SOS2: variants seen among roughly 807,000 people sequenced by gnomAD.
SOS2 encodes the protein son of sevenless homolog 2.
SOS2 carries 65 observed loss-of-function variants against 148.2 expected under a neutral mutation model. The ratio of observed to expected loss-of-function variants is 0.44; its 90% CI spans 0.36 to 0.54. The LOEUF (loss-of-function observed/expected upper bound fraction) is 0.54, where lower values mean the gene tolerates loss of function less well. SOS2 is among the 20% of genes least tolerant of loss of function. The pLI is 0.00. For missense variants in SOS2, 1,341 were observed against 1,590.2 expected (o/e 0.84, Z 2.67); for synonymous variants, 539 against 537.1 (o/e 1.00, Z -0.05).
At chr14:50,194,445 C>A (rs910485888) in intron 4 of SOS2, among the ~76,000 whole-genome samples, 39 of 142,234 alleles carry the variant, frequency 2.7e-4, no homozygotes, top group African/African-American at 1.0e-3. Flanking sequence ...CTTATATAAT[C>A]CCTTTCAATT....
intron 11 of SOS2, among the ~76,000 whole-genome samples, 193 bp downstream of exon 11, chr14:50,158,372 C>G (rs762035431): frequency 6.6e-6 from 1 of 152,188 alleles, no homozygotes; most frequent in East Asian, 1.9e-4. Flanking sequence ...TTTCTAAGAG[C>G]TGAAAAGATC....
chr14:50,130,830 G>A, intron 19 of SOS2, 68 bp from the exon 20 acceptor site: 1 of 1,379,216 alleles, frequency 7.3e-7, no homozygotes, highest in Non-Finnish European at 1.0e-6. Context: ...GTGACTTAGA[G>A]CTACCTTATT....
intron 6 of SOS2, among the ~76,000 whole-genome samples, chr14:50,181,266 G>A (rs760841809): frequency 2.0e-5 from 3 of 152,160 alleles, no homozygotes; most frequent in Non-Finnish European, 4.4e-5. Flanking sequence ...AGCCAACAGA[G>A]AGGAACACCG....
At chr14:50,202,981 C>T (rs1230280443) in intron 2 of SOS2, among the ~76,000 whole-genome samples, 2 of 151,898 alleles carry the variant, frequency 1.3e-5, no homozygotes, top group Non-Finnish European at 2.9e-5. Flanking sequence ...CACGGCAAGG[C>T]CCAGTCTTTA....
intron 5 of SOS2, among the ~76,000 whole-genome samples, chr14:50,187,504 C>T (rs573595968): frequency 5.3e-5 from 8 of 152,022 alleles, no homozygotes; most frequent in Non-Finnish European, 7.4e-5. Flanking sequence ...CCCACCACTA[C>T]GCCCGGCTAA....
chr14:50,217,893 T>G (rs1224865610), intron 1 of SOS2, among the ~76,000 whole-genome samples: 1 of 151,750 alleles, frequency 6.6e-6, no homozygotes, highest in Non-Finnish European at 1.5e-5. Context: ...AGGCAGAGCT[T>G]GCAGTGAATC....
intron 4 of SOS2, among the ~76,000 whole-genome samples, chr14:50,191,342 A>T (rs1348361376): frequency 6.6e-6 from 1 of 152,074 alleles, no homozygotes. Flanking sequence ...GCTGGTAGAC[A>T]CCTGCGGTCC....
At chr14:50,123,099 A>G (rs1477689217) in intron 21 of SOS2, among the ~76,000 whole-genome samples, 1 of 152,190 alleles carries the variant, frequency 6.6e-6, no homozygotes, top group African/African-American at 2.4e-5. Context: ...GGGGAGCAAC[A>G]TAAATAGGGT....
intron 7 of SOS2, among the ~76,000 whole-genome samples, chr14:50,176,701 G>T (rs1368447886): frequency 6.6e-6 from 1 of 152,180 alleles, no homozygotes; most frequent in African/African-American, 2.4e-5. Context: ...TAAGTGAATT[G>T]CTCAAGGTAA....
chr14:50,227,969 T>C (rs1002891312), intron 1 of SOS2, among the ~76,000 whole-genome samples: 4 of 152,156 alleles, frequency 2.6e-5, no homozygotes, highest in African/African-American at 7.2e-5. Context: ...TTGAATCTTT[T>C]ATTAATTTCT....
intron 12 of SOS2, chr14:50,156,551 T>G (rs1213719107): frequency 6.6e-6 from 1 of 152,146 alleles, no homozygotes; most frequent in African/African-American, 2.4e-5. Flanking sequence ...TTGTGAGAGA[T>G]AAGTGGGAAA....
Position 50,231,334 on chromosome 14 carries a change from GTGGC to G in SOS2, c.-55_-52del. 1 of 1,034,278 alleles carries G rather than the reference GTGGC, an allele frequency of 9.7e-7. No homozygotes were observed. The allele number at this position is 1,034,278 out of a possible 1,614,324, so 64.1% of individuals were successfully genotyped here. ...CGGGGGCAGCCCGCGGGCCGGGCCG[GTGGC>G]CTGACAGGCAGGGCGCGGGCCGCCT... On this transcript the variant is annotated 5_prime_UTR_variant, in exon 1 of 23. Transcript: ENST00000216373.
At chr14:50,179,367 G>T (rs1032950064) in intron 7 of SOS2, among the ~76,000 whole-genome samples, 4 of 152,028 alleles carry the variant, frequency 2.6e-5, no homozygotes, top group African/African-American at 7.2e-5. Context: ...ACGTCAAGGG[G>T]TAAAAGCCAG....
intron 21 of SOS2, among the ~76,000 whole-genome samples, 158 bp downstream of exon 21, chr14:50,129,803 T>C (rs999659416): frequency 6.6e-6 from 1 of 152,232 alleles, no homozygotes; most frequent in Admixed American, 6.5e-5. Flanking sequence ...TAAACTATAG[T>C]GAAGCTTAAG....
At chr14:50,219,369 A>G (rs1260001453) in intron 1 of SOS2, among the ~76,000 whole-genome samples, 2 of 152,252 alleles carry the variant, frequency 1.3e-5, no homozygotes, top group Non-Finnish European at 2.9e-5. Context: ...CTATTGATAC[A>G]TGCAACATAA....
intron 1 of SOS2, among the ~76,000 whole-genome samples, chr14:50,217,570 T>G (rs985848235): frequency 1.6e-4 from 24 of 152,018 alleles, no homozygotes; most frequent in Non-Finnish European, 2.9e-5. Flanking sequence ...AAAAAATTTC[T>G]AGAAGGGAAA....
intron 1 of SOS2, among the ~76,000 whole-genome samples, chr14:50,227,076 T>C (rs1887400114): frequency 1.3e-5 from 2 of 152,282 alleles, no homozygotes; most frequent in South Asian, 4.1e-4. Flanking sequence ...CCATTAGTAG[T>C]GTCATTTCAC....
chr14:50,130,126 G>C, intron 20 of SOS2, 124 bp from the exon 21 acceptor site: 1 of 640,472 alleles, frequency 1.6e-6, no homozygotes, highest in East Asian at 3.0e-5. Context: ...TGCCATGTTA[G>C]TTTTTTAAAA....
intron 16 of SOS2, among the ~76,000 whole-genome samples, chr14:50,144,718 G>C (rs1026262024): frequency 6.6e-6 from 1 of 152,110 alleles, no homozygotes; most frequent in Non-Finnish European, 1.5e-5. Flanking sequence ...GATTACAGGC[G>C]TGAGCCACCA....
Sources: gnomAD v4.1 joint callset for allele counts (sites outside exome capture counted in the v4.1 genomes callset) on GRCh38, gnomAD v4.1.1 for gene constraint, MANE v1.5 for transcripts, NCBI Gene and HGNC (gene_info 2026-07-23, HGNC 2026-07-21) for gene names.